TCF4: variants seen among roughly 807,000 people sequenced by gnomAD.
TCF4 encodes the protein SL3-3 enhancer factor 2.
A neutral mutation model predicts 82.1 loss-of-function variants in TCF4; 3 were observed. The observed-to-expected ratio is 0.04, with a 90% confidence interval of 0.02 to 0.09. TCF4 has a LOEUF of 0.09. Ranked by LOEUF, TCF4 falls within the 10% of genes least tolerant of loss-of-function variation. TCF4 has a pLI of 1.00. For missense variants in TCF4, 518 were observed against 852.7 expected (o/e 0.61, Z 4.89); for synonymous variants, 276 against 309.6 (o/e 0.89, Z 1.14).
intron 1 of TCF4, among the ~76,000 whole-genome samples, chr18:55,631,698 A>G (rs750954061): frequency 3.9e-5 from 6 of 152,280 alleles, no homozygotes; most frequent in Middle Eastern, 6.8e-3. Context: ...GAGTTCTGAG[A>G]GTAGGTGAGT....
intron 3 of TCF4, among the ~76,000 whole-genome samples, chr18:55,488,108 T>C (rs977444629): frequency 6.6e-6 from 1 of 152,202 alleles, no homozygotes; most frequent in African/African-American, 2.4e-5. Context: ...ACAAAACTAT[T>C]CTCAATATTT....
chr18:55,427,543 G>A (rs2095039774), intron 5 of TCF4, among the ~76,000 whole-genome samples: 1 of 152,162 alleles, frequency 6.6e-6, no homozygotes, highest in African/African-American at 2.4e-5. Flanking sequence ...AATGAACTGA[G>A]AACCCTGGCA....
intron 6 of TCF4, among the ~76,000 whole-genome samples, chr18:55,389,040 G>A (rs2092843406): frequency 6.6e-6 from 1 of 151,794 alleles, no homozygotes. Context: ...GCAGAAGAAT[G>A]GCATGAACCC....
intron 8 of TCF4, among the ~76,000 whole-genome samples, chr18:55,343,209 T>A (rs540484216): frequency 3.3e-5 from 5 of 152,168 alleles, no homozygotes; most frequent in Non-Finnish European, 7.4e-5. Context: ...TATGGCTCCA[T>A]GTTTCACAAA....
chr18:55,242,225 C>G (rs2051473285), intron 15 of TCF4, among the ~76,000 whole-genome samples: 1 of 152,188 alleles, frequency 6.6e-6, no homozygotes, highest in African/African-American at 2.4e-5. Context: ...AGACACCACC[C>G]TTAAAACACA....
At chr18:55,516,550 T>G (rs537548205) in intron 3 of TCF4, among the ~76,000 whole-genome samples, 2 of 152,120 alleles carry the variant, frequency 1.3e-5, no homozygotes, top group Admixed American at 1.3e-4. Context: ...TCCGGAGGCC[T>G]GGATGGAGAA....
intron 5 of TCF4, among the ~76,000 whole-genome samples, chr18:55,446,046 A>G (rs146589029): frequency 1.3e-5 from 2 of 152,290 alleles, no homozygotes; most frequent in Non-Finnish European, 1.5e-5. Flanking sequence ...ATCCTGCTCA[A>G]GGCCACCAGA....
chr18:55,587,724 G>A (rs565693063), intron 1 of TCF4, among the ~76,000 whole-genome samples: 1 of 151,972 alleles, frequency 6.6e-6, no homozygotes, highest in Non-Finnish European at 1.5e-5. Context: ...CAGGGTTGGG[G>A]GGAGCGGAGT....
chr18:55,586,346 C>T, intron 2 of TCF4: 1 of 630,526 alleles, frequency 1.6e-6, no homozygotes, highest in Non-Finnish European at 2.8e-6. Context: ...AAAATGAATT[C>T]ATTCTCCTGA....
chr18:55,316,251 T>C (rs973973025), intron 8 of TCF4, among the ~76,000 whole-genome samples: 2 of 152,084 alleles, frequency 1.3e-5, no homozygotes, highest in Admixed American at 6.6e-5. Context: ...ATTTTCTTCT[T>C]AAGGCAAAAG....
At chr18:55,549,543 T>C (rs191303429) in intron 3 of TCF4, among the ~76,000 whole-genome samples, 230 of 152,308 alleles carry the variant, frequency 1.5e-3, no homozygotes, top group African/African-American at 5.1e-3. Context: ...TGCAAATGCA[T>C]ACATTAGTCT....
intron 10 of TCF4, among the ~76,000 whole-genome samples, chr18:55,271,630 A>T (rs572474254): frequency 1.3e-5 from 2 of 152,148 alleles, no homozygotes; most frequent in African/African-American, 2.4e-5. Flanking sequence ...ATGCCTTTCA[A>T]ATTTTTAAAT....
At chr18:55,593,036 A>G (rs917291277), upstream of TCF4, among the ~76,000 whole-genome samples, 2 of 152,204 alleles carry the variant, frequency 1.3e-5, no homozygotes, top group African/African-American at 4.8e-5. Context: ...TAATACAAAA[A>G]AGATTATTTA....
At chr18:55,572,969 C>A (rs554957266) in intron 3 of TCF4, among the ~76,000 whole-genome samples, 1 of 152,114 alleles carries the variant, frequency 6.6e-6, no homozygotes, top group Admixed American at 6.5e-5. Context: ...AGGAGAATCA[C>A]TTGAACTCGG....
intron 3 of TCF4, among the ~76,000 whole-genome samples, chr18:55,515,821 G>C (rs142210676): frequency 6.6e-6 from 1 of 152,046 alleles, no homozygotes; most frequent in South Asian, 2.1e-4. Context: ...GGGGGTGGGC[G>C]TATTTAAATT....
chr18:55,314,615 C>A (rs1454499502), intron 8 of TCF4, among the ~76,000 whole-genome samples: 1 of 150,308 alleles, frequency 6.7e-6, no homozygotes, highest in Non-Finnish European at 1.5e-5. Flanking sequence ...GAGTACAGGG[C>A]ACTTGTATCT....
intron 3 of TCF4, chr18:55,550,469 C>A (rs1052471322): frequency 6.6e-6 from 1 of 152,134 alleles, no homozygotes; most frequent in Non-Finnish European, 1.5e-5. Context: ...CACATGGACT[C>A]CCTAACGGTG....
At chr18:55,301,403 T>C (rs1261480839) in intron 8 of TCF4, among the ~76,000 whole-genome samples, 1 of 152,188 alleles carries the variant, frequency 6.6e-6, no homozygotes, top group East Asian at 1.9e-4. Context: ...GAGATTTGTT[T>C]GGATTTAGAA....
Position 55,309,446 on chromosome 18 carries a change from TGGG to T in TCF4, c.550-29793_550-29791del, listed in dbSNP as rs1485523851. On this transcript the variant is annotated intron_variant, in intron 8 of 19. Transcript: ENST00000354452. Reference sequence around the variant, plus strand: ...CTTCATTTGAATGTTAATAGCCACATGGGGCCAGTGGCTACCTCACTGAACAGG... The same window carrying T: ...CTTCATTTGAATGTTAATAGCCACATGCCAGTGGCTACCTCACTGAACAGG... 2.0e-5 allele frequency among the ~76,000 whole-genome samples: 3 copies of T among 152,228 alleles called. No homozygotes were observed. In the East Asian group the frequency reaches 5.8e-4, roughly 29 times the overall value.
Sources: allele counts gnomAD v4.1 joint callset (sites outside exome capture counted in the v4.1 genomes callset), GRCh38; gene constraint gnomAD v4.1.1; transcripts MANE v1.5; gene names NCBI Gene and HGNC (gene_info 2026-07-23, HGNC 2026-07-21).